Variants in SH3GL3 observed in about 807,000 individuals in gnomAD.
The protein encoded by SH3GL3 is endophilin-A3.
Under a neutral mutation model 47.7 loss-of-function variants are expected in SH3GL3, and 33 were observed. The ratio of observed to expected loss-of-function variants is 0.69; its 90% CI spans 0.52 to 0.92. The LOEUF is 0.92. Ranked by LOEUF, SH3GL3 falls within the 40% of genes least tolerant of loss-of-function variation. SH3GL3 has a pLI of 0.00. For missense variants in SH3GL3, 363 were observed against 417.8 expected, an observed-to-expected ratio of 0.87 and a Z score of 1.14; for synonymous variants, 155 against 148.8, an observed-to-expected ratio of 1.04 and a Z score of -0.30.
chr15:83,484,921 A>T (rs1284548370), intron 1 of SH3GL3, among the ~76,000 whole-genome samples: 1 of 152,196 alleles, frequency 6.6e-6, no homozygotes, highest in Non-Finnish European at 1.5e-5. Flanking sequence ...GTCTTAATTT[A>T]GTAGTTTTAA....
At chr15:83,579,712 G>A (rs1052534097) in intron 6 of SH3GL3, among the ~76,000 whole-genome samples, 1 of 152,168 alleles carries the variant, frequency 6.6e-6, no homozygotes, top group Non-Finnish European at 1.5e-5. Flanking sequence ...TGGTGCATGT[G>A]CGTTTACCTT....
chr15:83,479,957 GC>G (rs1275057999), intron 1 of SH3GL3, among the ~76,000 whole-genome samples: 1 of 152,172 alleles, frequency 6.6e-6, no homozygotes, highest in Non-Finnish European at 1.5e-5. Context: ...TAGAATGCTT[GC>G]CATGTCGTAA....
rs1303551559 is a variant in SH3GL3 at position 83,447,648 on chromosome 15, C to G, written c.45+70C>G. ...CTGCGGCCCCCCGAGGCTCCCGGGC[C>G]TTTGGGACTCCTGTTCCCTGAAGGG... On this transcript the variant is annotated intron_variant, in intron 1 of 8. Coordinates refer to ENST00000427482, the MANE Select transcript of SH3GL3 (RefSeq NM_003027.5). This position sits in a 1 kb window ranked among gnomAD's most constrained non-coding sequence, Gnocchi z 5.1. 3.5e-6 allele frequency: 4 copies of G among 1,157,080 alleles called. No individual in the cohort carries two copies. The highest frequency in any genetic ancestry group is 4.8e-6 in the Non-Finnish European group (4 of 840,132). 71.7% of individuals were successfully genotyped at this position (1,157,080 alleles called of 1,614,324 possible).
intron 1 of SH3GL3, among the ~76,000 whole-genome samples, chr15:83,476,775 A>G (rs2041117756): frequency 6.6e-6 from 1 of 152,236 alleles, no homozygotes; most frequent in East Asian, 1.9e-4. Flanking sequence ...ATGGAGGGCA[A>G]AGCCTGAAAT....
chr15:83,626,264 G>A, the SH3GL3 span, among the ~76,000 whole-genome samples: 1 of 152,148 alleles, frequency 6.6e-6, no homozygotes, highest in Admixed American at 6.5e-5. Context: ...CTCTATCCCA[G>A]AGCACAAGAA....
chr15:83,486,307 A>T (rs12900673), intron 1 of SH3GL3, among the ~76,000 whole-genome samples: 19,202 of 152,222 alleles, frequency 0.13, 1,664 homozygotes, highest in Non-Finnish European at 0.19. Context: ...TTTAGTAGTC[A>T]CAGTGTTGTA....
At chr15:83,462,768 C>T (rs1327950599) in intron 1 of SH3GL3, among the ~76,000 whole-genome samples, 2 of 152,142 alleles carry the variant, frequency 1.3e-5, no homozygotes, top group East Asian at 1.9e-4. Flanking sequence ...ATGGAACAGA[C>T]AAAAATCAAA....
the SH3GL3 span, among the ~76,000 whole-genome samples, chr15:83,626,618 C>A: frequency 1.3e-5 from 2 of 152,126 alleles, no homozygotes; most frequent in Admixed American, 6.6e-5. Context: ...TTAATTGGGG[C>A]CTTGTTAAAT....
intron 1 of SH3GL3, among the ~76,000 whole-genome samples, chr15:83,554,281 G>A (rs779628454): frequency 3.3e-5 from 5 of 151,972 alleles, no homozygotes; most frequent in African/African-American, 4.8e-5. Flanking sequence ...TCTACCTCCC[G>A]GGTTCAAGCG....
chr15:83,533,899 C>T (rs889681388), intron 1 of SH3GL3, among the ~76,000 whole-genome samples: 3 of 152,152 alleles, frequency 2.0e-5, no homozygotes, highest in African/African-American at 7.2e-5. Context: ...TTACTTGACT[C>T]ATGCAATGTA....
downstream of SH3GL3, among the ~76,000 whole-genome samples, chr15:83,619,337 G>A (rs139199816): frequency 7.7e-4 from 118 of 152,284 alleles, no homozygotes; most frequent in African/African-American, 2.6e-3. Context: ...CACAAATTCT[G>A]GGGGTTTCCC....
intron 1 of SH3GL3, among the ~76,000 whole-genome samples, chr15:83,556,742 G>C (rs1003120267): frequency 6.6e-6 from 1 of 152,108 alleles, no homozygotes; most frequent in Non-Finnish European, 1.5e-5. Flanking sequence ...AAAAAAAAAA[G>C]TTCATTTAGT....
intron 6 of SH3GL3, among the ~76,000 whole-genome samples, chr15:83,582,310 C>T (rs996290823): frequency 2.0e-5 from 3 of 152,182 alleles, no homozygotes; most frequent in Non-Finnish European, 4.4e-5. Context: ...GGTATACATT[C>T]ACCAGCTACG....
intron 4 of SH3GL3, among the ~76,000 whole-genome samples, chr15:83,568,959 C>T (rs895511833): frequency 1.4e-5 from 2 of 147,030 alleles, no homozygotes; most frequent in African/African-American, 2.5e-5. Context: ...TGCAGTGGCG[C>T]GATCTTGGCT....
At chr15:83,502,012 T>G (rs1041267286) in intron 1 of SH3GL3, among the ~76,000 whole-genome samples, 1 of 152,386 alleles carries the variant, frequency 6.6e-6, no homozygotes, top group Non-Finnish European at 1.5e-5. Context: ...TAATTGCAGC[T>G]ATTTCACATT....
chr15:83,481,485 G>A (rs1434901854), intron 1 of SH3GL3, among the ~76,000 whole-genome samples: 2 of 152,148 alleles, frequency 1.3e-5, no homozygotes, highest in Non-Finnish European at 2.9e-5. Flanking sequence ...CTCCCTGCTG[G>A]TTTGGTTTGG....
intron 1 of SH3GL3, chr15:83,487,943 T>C (rs918235648): frequency 6.6e-6 from 1 of 151,494 alleles, no homozygotes; most frequent in Non-Finnish European, 1.5e-5. Context: ...TGGCGCGATC[T>C]CAGCTCACTG....
At chr15:83,629,725 T>C in the SH3GL3 span, among the ~76,000 whole-genome samples, 1 of 151,956 alleles carries the variant, frequency 6.6e-6, no homozygotes, top group Non-Finnish European at 1.5e-5. Flanking sequence ...GAGGCTTAGG[T>C]GGGAGGATCA....
At chr15:83,562,083 T>A (rs2730088) in intron 2 of SH3GL3, among the ~76,000 whole-genome samples, 135 of 108,900 alleles carry the variant, frequency 1.2e-3, no homozygotes, top group Non-Finnish European at 1.8e-3. Flanking sequence ...ACACACACAC[T>A]ATAGTGTCCC....
Sources: allele counts gnomAD v4.1 joint callset (sites outside exome capture counted in the v4.1 genomes callset), GRCh38; gene constraint gnomAD v4.1.1; non-coding constraint Gnocchi (gnomAD v3.1); transcripts MANE v1.5; gene names NCBI Gene and HGNC (gene_info 2026-07-23, HGNC 2026-07-21).